SDK1: variants seen among roughly 807,000 people sequenced by gnomAD.
SDK1 encodes the protein sidekick cell adhesion molecule 1.
Under a neutral mutation model 245.5 loss-of-function variants are expected in SDK1, and 157 were observed. The observed-to-expected ratio is 0.64, with a 90% confidence interval of 0.56 to 0.73. The LOEUF is 0.73. SDK1 is among the 30% of genes least tolerant of loss of function. The probability of loss-of-function intolerance (pLI) is 0.00; values close to 1 mark genes in which losing one functional copy is unlikely to be tolerated. For missense variants in SDK1, 3,583 were observed against 3,002.3 expected (o/e 1.19, Z -4.52); for synonymous variants, 1,647 against 1,278.5 (o/e 1.29, Z -6.15).
At chr7:3,481,279 C>T (rs1404745508) in intron 1 of SDK1, among the ~76,000 whole-genome samples, 1 of 152,170 alleles carries the variant, frequency 6.6e-6, no homozygotes, top group Non-Finnish European at 1.5e-5. Flanking sequence ...TGTTCAAGAT[C>T]ACACAATTAG....
chr7:3,718,023 G>A (rs1392766145), intron 4 of SDK1, among the ~76,000 whole-genome samples: 1 of 151,666 alleles, frequency 6.6e-6, no homozygotes, highest in Non-Finnish European at 1.5e-5. Flanking sequence ...TCTCAACACA[G>A]TAATGGCAAA....
intron 5 of SDK1, among the ~76,000 whole-genome samples, chr7:3,847,547 C>T (rs927884736): frequency 1.3e-5 from 2 of 152,224 alleles, no homozygotes; most frequent in Non-Finnish European, 2.9e-5. Context: ...GCAAAGCCGG[C>T]CTTCCTCCTC....
chr7:3,382,368 C>T (rs571909040), intron 1 of SDK1, among the ~76,000 whole-genome samples: 2 of 152,274 alleles, frequency 1.3e-5, no homozygotes, highest in African/African-American at 4.8e-5. Flanking sequence ...ATTTGAACCA[C>T]GTATCTGACT....
intron 4 of SDK1, among the ~76,000 whole-genome samples, chr7:3,807,182 A>G (rs1018732248): frequency 6.6e-6 from 1 of 152,174 alleles, no homozygotes; most frequent in African/African-American, 2.4e-5. Flanking sequence ...GTCTTCATGG[A>G]CGGAACCCAG....
At chr7:3,760,031 A>AT (rs1299988067) in intron 4 of SDK1, among the ~76,000 whole-genome samples, 3 of 150,406 alleles carry the variant, frequency 2.0e-5, no homozygotes, top group Admixed American at 6.6e-5. Context: ...TGTTTTATGT[A>AT]TTTTTTTTTC....
intron 4 of SDK1, among the ~76,000 whole-genome samples, chr7:3,683,663 T>C (rs2114986955): frequency 6.6e-6 from 1 of 152,330 alleles, no homozygotes; most frequent in East Asian, 1.9e-4. Context: ...TGGAAGACTC[T>C]GGAGGGTGAA....
intron 2 of SDK1, among the ~76,000 whole-genome samples, chr7:3,621,458 A>G (rs976960632): frequency 2.0e-5 from 3 of 152,242 alleles, no homozygotes; most frequent in African/African-American, 7.2e-5. Flanking sequence ...ATGGAGTTTC[A>G]AAGAACCCAG....
chr7:3,506,384 C>T (rs983208328), intron 1 of SDK1, among the ~76,000 whole-genome samples: 2 of 151,862 alleles, frequency 1.3e-5, no homozygotes, highest in African/African-American at 4.8e-5. Context: ...GTATTTTTTC[C>T]CTTTGTTTGC....
intron 1 of SDK1, among the ~76,000 whole-genome samples, chr7:3,488,896 C>T (rs937608816): frequency 1.9e-4 from 27 of 142,586 alleles, no homozygotes; most frequent in African/African-American, 5.2e-4. Context: ...TCCCTTCATT[C>T]CTCCCTCCGT....
chr7:4,096,796 C>T (rs1436717674), intron 22 of SDK1, among the ~76,000 whole-genome samples: 1 of 151,912 alleles, frequency 6.6e-6, no homozygotes, highest in East Asian at 2.0e-4. Context: ...AAGATGAGCG[C>T]CACATAGGAG....
intron 4 of SDK1, among the ~76,000 whole-genome samples, chr7:3,662,728 A>G (rs968237140): frequency 6.6e-6 from 1 of 152,220 alleles, no homozygotes; most frequent in Non-Finnish European, 1.5e-5. Flanking sequence ...CAAATTATAT[A>G]CAGGTTGAGC....
At chr7:3,835,080 C>A (rs976521209) in intron 5 of SDK1, among the ~76,000 whole-genome samples, 2 of 152,180 alleles carry the variant, frequency 1.3e-5, no homozygotes, top group South Asian at 2.1e-4. Flanking sequence ...CTTGAGACTT[C>A]ACATATCACA....
At chr7:4,200,559 C>T (rs1312667348) in intron 35 of SDK1, among the ~76,000 whole-genome samples, 1 of 152,214 alleles carries the variant, frequency 6.6e-6, no homozygotes, top group Non-Finnish European at 1.5e-5. Flanking sequence ...CCAAGCTCAC[C>T]CATGCAGTTG....
chr7:3,741,388 G>T (rs546120679), intron 4 of SDK1, among the ~76,000 whole-genome samples: 2 of 152,320 alleles, frequency 1.3e-5, no homozygotes, highest in South Asian at 4.1e-4. Context: ...TGATCCTGCA[G>T]TGGTCTCCTT....
At chr7:3,382,029 T>C (rs957547092) in intron 1 of SDK1, among the ~76,000 whole-genome samples, 12 of 152,218 alleles carry the variant, frequency 7.9e-5, no homozygotes, top group African/African-American at 2.9e-4. Context: ...CCCTACTCTG[T>C]CTCAGTCAAA....
intron 1 of SDK1, among the ~76,000 whole-genome samples, chr7:3,590,699 A>G (rs1319215965): frequency 6.6e-6 from 1 of 152,032 alleles, no homozygotes; most frequent in African/African-American, 2.4e-5. Context: ...CACAAGGGAA[A>G]CCTTAAAAAT....
At chr7:3,647,207 C>T (rs891081626) in intron 4 of SDK1, among the ~76,000 whole-genome samples, 9 of 152,202 alleles carry the variant, frequency 5.9e-5, no homozygotes, top group Non-Finnish European at 8.8e-5. Flanking sequence ...GCTGTGATCA[C>T]GCTATAGCAG....
At chr7:3,519,419 A>T (rs1342390715) in intron 1 of SDK1, among the ~76,000 whole-genome samples, 1 of 152,090 alleles carries the variant, frequency 6.6e-6, no homozygotes, top group Non-Finnish European at 1.5e-5. Flanking sequence ...GTCAAATAAA[A>T]ATAAAAGTGT....
chr7:3,774,155 C>T lies in SDK1; in HGVS notation c.714-47295C>T, dbSNP rs1377873175. 2.1e-5 allele frequency among the ~76,000 whole-genome samples: 3 copies of T among 145,994 alleles called. No individual in the cohort carries two copies. In the East Asian group the frequency reaches 6.1e-4, roughly 29 times the overall value. ...GCGTGAACCCAGGAGGCGGAGGTTG[C>T]AGTGAGCCAAGATAGCGCCACTGCA... is the stretch of plus-strand genomic sequence containing the variant. On this transcript the variant is annotated intron_variant, in intron 4 of 44. Transcript: ENST00000404826.
Sources: gnomAD v4.1 joint callset for allele counts (sites outside exome capture counted in the v4.1 genomes callset) on GRCh38, gnomAD v4.1.1 for gene constraint, MANE v1.5 for transcripts, NCBI Gene and HGNC (gene_info 2026-07-23, HGNC 2026-07-21) for gene names.